Variants in CLPTM1L observed in about 807,000 individuals in gnomAD.
CLPTM1L encodes lipid scramblase CLPTM1L.
Under a neutral mutation model 70.9 loss-of-function variants are expected in CLPTM1L, and 38 were observed. The ratio of observed to expected loss-of-function variants is 0.54; its 90% CI spans 0.41 to 0.70. The LOEUF is 0.70. CLPTM1L is among the 30% of genes least tolerant of loss of function. The pLI, the probability that CLPTM1L is intolerant of heterozygous loss-of-function variation, is 0.00. For missense variants in CLPTM1L, 652 were observed against 705.9 expected, an observed-to-expected ratio of 0.92 and a Z score of 0.87; for synonymous variants, 339 against 299.9, an observed-to-expected ratio of 1.13 and a Z score of -1.35.
chr5:1,330,485 G>T, intron 8 of CLPTM1L, 102 bp from the exon 9 acceptor site: 1 of 849,192 alleles, frequency 1.2e-6, no homozygotes, highest in Non-Finnish European at 1.9e-6. Context: ...AACCCACCAC[G>T]CCCAAGAAGC....
At chr5:1,335,607 G>A (rs919594133) in intron 5 of CLPTM1L, among the ~76,000 whole-genome samples, 1 of 152,268 alleles carries the variant, frequency 6.6e-6, no homozygotes, top group African/African-American at 2.4e-5. Flanking sequence ...CAGCCCTGCA[G>A]CACATGGGCA....
chr5:1,331,950 A>G, intron 7 of CLPTM1L, 67 bp from the exon 8 acceptor site: 1 of 1,341,816 alleles, frequency 7.5e-7, no homozygotes, highest in Non-Finnish European at 1.1e-6. Context: ...AGACAGAGAT[A>G]GAGGCTTCGT....
intron 9 of CLPTM1L, among the ~76,000 whole-genome samples, chr5:1,328,798 TCATCCAGCTCCTGCTCTACAGACACATTG>T (rs1752842934): frequency 2.0e-5 from 3 of 146,458 alleles, no homozygotes; most frequent in Non-Finnish European, 3.0e-5. Context: ...CAGACACATT[TCATCCAGCTCCTGCTCTACAGACACATTG>T]CATCCAGCTC....
chr5:1,339,294 C>T (rs879232115), intron 3 of CLPTM1L, among the ~76,000 whole-genome samples: 1 of 147,464 alleles, frequency 6.8e-6, no homozygotes, highest in Non-Finnish European at 1.5e-5. Flanking sequence ...GATGGCCACA[C>T]AGACTGGCAA....
At chr5:1,333,626 CAGATGA>C (rs1753317343) in intron 7 of CLPTM1L, among the ~76,000 whole-genome samples, 1 of 132,774 alleles carries the variant, frequency 7.5e-6, no homozygotes, top group African/African-American at 3.0e-5. Flanking sequence ...GTATACACAC[CAGATGA>C]GGATAAGGGG....
intron 3 of CLPTM1L, 32 bp downstream of exon 3, chr5:1,341,639 G>A: frequency 1.3e-6 from 2 of 1,561,806 alleles, no homozygotes; most frequent in Non-Finnish European, 1.8e-6. Flanking sequence ...GAGAGGCACA[G>A]CCTGTTATCA....
chr5:1,321,584 G>A (rs767806488), intron 15 of CLPTM1L, 51 bp downstream of exon 15: 79 of 1,545,270 alleles, frequency 5.1e-5, no homozygotes, highest in Non-Finnish European at 6.9e-5. Context: ...AGACGCCCTT[G>A]CTCACGCTCT....
chr5:1,338,011 C>T (rs755635634), intron 4 of CLPTM1L, 29 bp from the exon 5 acceptor site: 1 of 1,567,830 alleles, frequency 6.4e-7, no homozygotes, highest in Non-Finnish European at 8.7e-7. Flanking sequence ...TTTCCAAAGT[C>T]AGCACCAAGG....
At position 1,342,315 on chromosome 5, in the gene CLPTM1L, A is replaced by C. The variant is rs1460988723; in HGVS notation, c.264-455T>G. ...AGGTGCCTCGGCCCACACTACTGGA[A>C]CCTCAGAAATTTAATGTGGGTAGTT... On this transcript the variant is annotated intron_variant, in intron 2 of 16. Coordinates refer to ENST00000320895, the MANE Select transcript of CLPTM1L (RefSeq NM_030782.5). This position sits in a 1 kb window ranked among gnomAD's most constrained non-coding sequence, Gnocchi z 4.3. Among the ~76,000 whole-genome samples the C allele has an allele frequency of 2.0e-5, 3 of 152,154 alleles. No homozygotes were observed. Among genetic ancestry groups the C allele is most frequent in the African/African-American group, 7.2e-5 (3 of 41,434 alleles).
chr5:1,342,699 G>A lies in CLPTM1L; in HGVS notation c.264-839C>T, dbSNP rs1053017799. On this transcript the variant is annotated intron_variant, in intron 2 of 16. Coordinates refer to ENST00000320895, the MANE Select transcript of CLPTM1L (RefSeq NM_030782.5). The surrounding 1 kb of genome is among the most constrained non-coding windows in gnomAD (Gnocchi z 4.3). ...ACCTCCTGAGCTCAAGTGACCTCCC[G>A]CCTCAGTCTCCCGAGTAGCTGGGAC... Among the ~76,000 whole-genome samples, 1 of 152,210 alleles carries A rather than the reference G, an allele frequency of 6.6e-6. No homozygotes were observed. The highest frequency in any genetic ancestry group is 1.5e-5 in the Non-Finnish European group (1 of 68,036).
chr5:1,344,402 A>ATGT lies in CLPTM1L; in HGVS notation c.209_211dup (p.Asn70dup). On this transcript the variant is annotated inframe_insertion, in exon 2 of 17. Coordinates refer to ENST00000320895, the MANE Select transcript of CLPTM1L (RefSeq NM_030782.5). Reference sequence around the variant, plus strand: ...GTCTTCCACATTCAAGACCAGGTCGATGTTGTTCTCAGCACCCAGGTGGGA... The same window carrying ATGT: ...GTCTTCCACATTCAAGACCAGGTCGATGTTGTTGTTCTCAGCACCCAGGTGGGA... 6.2e-7 allele frequency: 1 copy of ATGT among 1,613,882 alleles called. No individual in the cohort carries two copies. The highest frequency in any genetic ancestry group is 8.5e-7 in the Non-Finnish European group (1 of 1,180,006).
chr5:1,328,421 C>T (rs1247830528), intron 9 of CLPTM1L, among the ~76,000 whole-genome samples: 28 of 121,762 alleles, frequency 2.3e-4, no homozygotes, highest in Admixed American at 3.3e-4. Context: ...CAGACACATT[C>T]CATCCAGCTC....
intron 3 of CLPTM1L, among the ~76,000 whole-genome samples, chr5:1,341,392 C>G (rs1376574392): frequency 6.6e-6 from 1 of 152,226 alleles, no homozygotes; most frequent in African/African-American, 2.4e-5. Context: ...CAGTAGGTGC[C>G]CCCAGAGACT....
intron 7 of CLPTM1L, chr5:1,332,114 C>A: frequency 1.8e-6 from 1 of 553,236 alleles, no homozygotes; most frequent in Non-Finnish European, 3.2e-6. Context: ...ATAATACGTA[C>A]CTTTGACTTG....
At chr5:1,332,336 G>C (rs1579639300) in intron 7 of CLPTM1L, 1 of 163,730 alleles carries the variant, frequency 6.1e-6, no homozygotes, top group Non-Finnish European at 1.3e-5. Context: ...CCAGGGGTTT[G>C]AGACCAGCCT....
chr5:1,339,313 C>T lies in CLPTM1L; in HGVS notation c.454-308G>A, dbSNP rs191494492. ...GCCACACAGACTGGCAAACTGTGCC[C>T]GGGACAGCAGGGTCAGCGCCCTAAC... On this transcript the variant is annotated intron_variant, in intron 3 of 16. Coordinates refer to ENST00000320895, the MANE Select transcript of CLPTM1L (RefSeq NM_030782.5). Among the ~76,000 whole-genome samples the T allele has an allele frequency of 6.4e-3, 938 of 146,966 alleles. 7 individuals are homozygous for T. Among genetic ancestry groups the T allele is most frequent in the Non-Finnish European group, 0.01 (688 of 66,824 alleles).
intron 3 of CLPTM1L, among the ~76,000 whole-genome samples, chr5:1,341,147 A>G (rs1206318325): frequency 3.9e-5 from 6 of 152,268 alleles, no homozygotes; most frequent in Non-Finnish European, 8.8e-5. Flanking sequence ...GCCTGTATTC[A>G]TGATCACTTA....
rs1443956469 is a variant in CLPTM1L, at chr5:1,323,816, G to A, written c.1251C>T (p.Val417=). ...TATATTTGATATTCAGGAGTGAATA[G>A]ACAGCACCCCCGACACAGAGAGGGT... is the stretch of plus-strand genomic sequence containing the variant. ...LLYPLCVGGA[V]YSLLNIKYKS... The change falls in exon 12 of 17, where the codon GTC becomes GTT. Residue 417 remains valine (V), a synonymous_variant. Coordinates refer to ENST00000320895, the MANE Select transcript of CLPTM1L (RefSeq NM_030782.5). 3 of 1,613,592 alleles carry A rather than the reference G, an allele frequency of 1.9e-6. No individual in the cohort carries two copies. Among genetic ancestry groups the A allele is most frequent in the East Asian group, 2.2e-5 (1 of 44,900 alleles).
intron 3 of CLPTM1L, among the ~76,000 whole-genome samples, chr5:1,339,906 C>A (rs944011941): frequency 1.3e-5 from 2 of 149,726 alleles, no homozygotes; most frequent in Non-Finnish European, 1.5e-5. Flanking sequence ...GCAGGGTCAG[C>A]GCCCTAACCT....
Sources: gnomAD v4.1 joint callset for allele counts (sites outside exome capture counted in the v4.1 genomes callset) on GRCh38, gnomAD v4.1.1 for gene constraint, Gnocchi (gnomAD v3.1) non-coding constraint, MANE v1.5 for transcripts, NCBI Gene and HGNC (gene_info 2026-07-23, HGNC 2026-07-21) for gene names.